The following TFEC variants were observed in gnomAD, a reference collection of about 807,000 sequenced individuals.
TFEC encodes the protein class E basic helix-loop-helix protein 34.
In TFEC, 31 loss-of-function variants were observed where a neutral mutation model predicts 41.6. The observed-to-expected ratio is 0.74, with a 90% CI of 0.56 to 1.01. The LOEUF (loss-of-function observed/expected upper bound fraction) is 1.01. Among genes scored for constraint, TFEC ranks in the 50% least tolerant of loss-of-function variants. The probability of loss-of-function intolerance (pLI) is 0.00; values close to 1 mark genes in which losing one functional copy is unlikely to be tolerated. For synonymous variants in TFEC, 143 were observed against 140.6 expected, an observed-to-expected ratio of 1.02 and a Z score of -0.12; for missense variants, 402 against 404.1, an observed-to-expected ratio of 0.99 and a Z score of 0.04.
chr7:116,117,032 C>T (rs1798005607), intron 1 of TFEC, among the ~76,000 whole-genome samples: 1 of 151,758 alleles, frequency 6.6e-6, no homozygotes, highest in Non-Finnish European at 1.5e-5. Context: ...AAAGAGGATT[C>T]CTCTCATTAA....
intron 3 of TFEC, among the ~76,000 whole-genome samples, chr7:116,078,686 T>C (rs1292852831): frequency 1.3e-5 from 2 of 152,056 alleles, no homozygotes; most frequent in Non-Finnish European, 2.9e-5. Context: ...ATTGAAATGG[T>C]AATTTTTAAA....
upstream of TFEC, chr7:116,030,957 T>C (rs1795765400): frequency 5.2e-6 from 2 of 383,050 alleles, no homozygotes; most frequent in Non-Finnish European, 7.1e-6. Flanking sequence ...AGAAAACTAC[T>C]CCACAATACT....
intron 1 of TFEC, among the ~76,000 whole-genome samples, chr7:116,122,430 C>T (rs1317630567): frequency 1.3e-5 from 2 of 152,110 alleles, no homozygotes; most frequent in Non-Finnish European, 1.5e-5. Context: ...CACCTGCTCC[C>T]GTAACACTGA....
At chr7:116,088,508 C>T (rs2131080494) in intron 3 of TFEC, among the ~76,000 whole-genome samples, 1 of 152,144 alleles carries the variant, frequency 6.6e-6, no homozygotes, top group African/African-American at 2.4e-5. Context: ...CAGTATTCAC[C>T]TCTCAGGGTG....
intron 1 of TFEC, among the ~76,000 whole-genome samples, chr7:116,145,726 C>A (rs1460555081): frequency 1.3e-5 from 2 of 152,158 alleles, no homozygotes; most frequent in African/African-American, 4.8e-5. Flanking sequence ...CAGACTGAAT[C>A]CACACACAAA....
chr7:116,120,429 C>T (rs1281017533), intron 1 of TFEC: 1 of 151,832 alleles, frequency 6.6e-6, no homozygotes, highest in Non-Finnish European at 1.5e-5. Flanking sequence ...CATGGCATCA[C>T]CTGGGAATTT....
upstream of TFEC, among the ~76,000 whole-genome samples, chr7:116,032,654 G>T (rs1795814409): frequency 6.6e-6 from 1 of 152,010 alleles, no homozygotes; most frequent in African/African-American, 2.4e-5. Flanking sequence ...ACACATAGAG[G>T]GGAACAACAC....
chr7:116,080,365 T>C (rs978257887), intron 3 of TFEC, among the ~76,000 whole-genome samples: 3 of 151,966 alleles, frequency 2.0e-5, no homozygotes, highest in African/African-American at 7.2e-5. Flanking sequence ...AAAGAAATAA[T>C]CAGCAGAGTG....
intron 2 of TFEC, among the ~76,000 whole-genome samples, chr7:115,983,400 G>A (rs1793715216): frequency 6.6e-6 from 1 of 151,774 alleles, no homozygotes; most frequent in Non-Finnish European, 1.5e-5. Flanking sequence ...ATCCTTTTGT[G>A]CCTGGAGGCT....
rs112796809 is a variant in TFEC, at chr7:115,987,357, T to C, written c.-72-2844A>G. Among the ~76,000 whole-genome samples the C allele has an allele frequency of 6.6e-3, 1,006 of 152,348 alleles. 11 individuals carry two copies. The highest frequency in any genetic ancestry group is 0.023 in the African/African-American group (948 of 41,576). On this transcript the variant is annotated intron_variant, in intron 1 of 7. Transcript: ENST00000265440. The stretch of plus-strand genomic sequence containing the variant: ...TCACTGTAAAACACCAGTTTAACTA[T>C]GTACCACTAATTTTAAAATACCTTA...
chr7:115,959,876 C>T (rs1421754801), intron 3 of TFEC, among the ~76,000 whole-genome samples: 1 of 151,102 alleles, frequency 6.6e-6, no homozygotes, highest in Non-Finnish European at 1.5e-5. Flanking sequence ...ATTATTAGAA[C>T]TAAATTACAG....
intron 3 of TFEC, among the ~76,000 whole-genome samples, chr7:115,961,837 A>G (rs542436742): frequency 7.9e-5 from 12 of 151,708 alleles, no homozygotes; most frequent in Non-Finnish European, 1.5e-4. Flanking sequence ...AAAAGTAACA[A>G]AAGCTATCCA....
At chr7:116,005,266 T>C (rs1794746276) in intron 1 of TFEC, among the ~76,000 whole-genome samples, 1 of 152,046 alleles carries the variant, frequency 6.6e-6, no homozygotes, top group African/African-American at 2.4e-5. Context: ...GTGGAACAGT[T>C]TGGAGGGCTC....
At position 115,941,049 on chromosome 7, in the gene TFEC, T is replaced by C. The variant is rs1378499896; in HGVS notation, c.664-118A>G. 3 of 911,118 alleles carry C rather than the reference T, an allele frequency of 3.3e-6. No individual in the cohort carries two copies. The East Asian group carries it at 8.2e-5, about 25-fold the overall frequency. The allele number at this position is 911,118 out of a possible 1,614,324, so 56.4% of individuals were successfully genotyped here. A position where few individuals can be genotyped will look rare whatever the true frequency, so the allele number is the denominator to read the frequency against. On this transcript the variant is annotated intron_variant, in intron 7 of 7. Coordinates refer to ENST00000265440, the MANE Select transcript of TFEC (RefSeq NM_012252.4). ...GCATTTAAAATGAAGAGTAATACAA[T>C]ACAAATTATGAATAATCTTTGCAAA...
At chr7:115,974,447 TATAA>T (rs1158414386) in intron 2 of TFEC, among the ~76,000 whole-genome samples, 191 bp from the exon 3 acceptor site, 1,220 of 50,896 alleles carry the variant, frequency 0.024, 78 homozygotes, top group African/African-American at 0.043. Flanking sequence ...TATATATATA[TATAA>T]AAACACAGAT....
intron 1 of TFEC, among the ~76,000 whole-genome samples, chr7:116,011,316 C>T (rs1794991436): frequency 6.6e-6 from 1 of 152,128 alleles, no homozygotes; most frequent in African/African-American, 2.4e-5. Context: ...AAAGACTATC[C>T]TGCATGCTTT....
At chr7:116,079,671 A>C (rs1218968180) in intron 3 of TFEC, among the ~76,000 whole-genome samples, 3 of 152,160 alleles carry the variant, frequency 2.0e-5, no homozygotes, top group Non-Finnish European at 2.9e-5. Flanking sequence ...CTGCTGAAAG[A>C]AATCATGGAT....
chr7:116,013,839 CA>C (rs1795094050), intron 1 of TFEC, among the ~76,000 whole-genome samples: 1 of 152,078 alleles, frequency 6.6e-6, no homozygotes, highest in Non-Finnish European at 1.5e-5. Context: ...TGGAACTTGA[CA>C]TAGTCACTCA....
rs78345638 is a variant in TFEC at position 115,952,503 on chromosome 7, T to C, written c.440-1554A>G. On this transcript the variant is annotated intron_variant, in intron 5 of 7. Transcript: ENST00000265440. ...AACAACTATGAAGGAAGTTCAGAGA[T>C]TTTTTTCTCAAAATAAGGGACTGTT... Among the ~76,000 whole-genome samples, 879 of 152,156 alleles carry C rather than the reference T, an allele frequency of 5.8e-3. 4 individuals are homozygous for C. The highest frequency in any genetic ancestry group is 0.02 in the African/African-American group (849 of 41,538).
Sources: allele counts gnomAD v4.1 joint callset (sites outside exome capture counted in the v4.1 genomes callset), GRCh38; gene constraint gnomAD v4.1.1; transcripts MANE v1.5; gene names NCBI Gene and HGNC (gene_info 2026-07-23, HGNC 2026-07-21).